CXCL13: variants seen among roughly 807,000 people sequenced by gnomAD.
The protein encoded by CXCL13 is C-X-C motif chemokine ligand 13, also known as C-X-C motif chemokine 13.
Under a neutral mutation model 12.2 loss-of-function variants are expected in CXCL13, and 7 were observed. The observed-to-expected ratio is 0.57, with a 90% CI of 0.33 to 1.07. CXCL13 has a LOEUF of 1.07. Among genes scored for constraint, CXCL13 ranks in the 50% least tolerant of loss-of-function variants. The pLI is 0.04. For synonymous variants in CXCL13, 47 were observed against 42.4 expected, an observed-to-expected ratio of 1.11 and a Z score of -0.42; for missense variants, 113 against 127.4, an observed-to-expected ratio of 0.89 and a Z score of 0.55.
intron 1 of CXCL13, among the ~76,000 whole-genome samples, chr4:77,524,555 C>T (rs944838873): frequency 2.6e-5 from 4 of 152,202 alleles, no homozygotes; most frequent in African/African-American, 9.6e-5. Context: ...TCTTGTCTGC[C>T]GGTGGCTAAG....
chr4:77,605,878 T>A lies in CXCL13; in HGVS notation c.13T>A (p.Ser5Thr), dbSNP rs1400564342. 5.6e-6 allele frequency: 9 copies of A among 1,606,740 alleles called. No homozygotes were observed. The Middle Eastern group carries it at 1.5e-3, about 266-fold the overall frequency. Reference sequence around the variant, plus strand: ...ACCTCCAGACAGAATGAAGTTCATCTCGACATCTCTGCTTCTCATGCTGCT... The same window carrying A: ...ACCTCCAGACAGAATGAAGTTCATCACGACATCTCTGCTTCTCATGCTGCT... MKFI[S>T]TSLLLMLLVS... Residue 5 changes from serine to threonine, a missense_variant, in exon 1 of 4, where the codon TCG becomes ACG. Transcript: ENST00000682537.
At chr4:77,526,145 G>T (rs1724758414) in intron 1 of CXCL13, among the ~76,000 whole-genome samples, 1 of 151,936 alleles carries the variant, frequency 6.6e-6, no homozygotes, top group African/African-American at 2.4e-5. Flanking sequence ...AACAAAGTTG[G>T]TATATCTTTG....
chr4:77,562,815 G>A (rs978101739), intron 1 of CXCL13, among the ~76,000 whole-genome samples: 5 of 152,130 alleles, frequency 3.3e-5, no homozygotes, highest in African/African-American at 4.8e-5. Context: ...GATTGTAAAC[G>A]CATCAATCAG....
chr4:77,576,928 A>G (rs999876328), intron 1 of CXCL13, among the ~76,000 whole-genome samples: 1 of 152,224 alleles, frequency 6.6e-6, no homozygotes, highest in Non-Finnish European at 1.5e-5. Context: ...TACATTTGTC[A>G]TTAAATTCCA....
chr4:77,588,205 C>A (rs370733677), intron 1 of CXCL13, among the ~76,000 whole-genome samples: 35 of 152,344 alleles, frequency 2.3e-4, no homozygotes, highest in Middle Eastern at 3.4e-3. Context: ...GCCATCCCCC[C>A]GTTCTCACCA....
Position 77,611,153 on chromosome 4 carries a change from C to G in CXCL13, c.*114C>G, listed in dbSNP as rs1173752486. On this transcript the variant is annotated 3_prime_UTR_variant, in exon 4 of 4. Transcript: ENST00000682537. ...AAAAGAACTTCCCCATACAAATAAG[C>G]ATGAGACTATGTAAAAATAACCTTG... 2.3e-6 allele frequency: 2 copies of G among 867,570 alleles called. No individual in the cohort carries two copies. Among genetic ancestry groups the G allele is most frequent in the Non-Finnish European group, 3.6e-6 (2 of 554,004 alleles). 53.7% of individuals were successfully genotyped at this position (867,570 alleles called of 1,614,324 possible). A position where few individuals can be genotyped will look rare whatever the true frequency, so the allele number is the denominator to read the frequency against.
In CXCL13 at chr4:77,528,622, C is replaced by G. The variant is rs188092102; in HGVS notation, c.-43+16834C>G. On this transcript the variant is annotated intron_variant, in intron 1 of 4. Coordinates refer to the CXCL13 transcript ENST00000286758. ...CATCCTTCGCCCACTTTTTGATGGGCCTGTTTGTTTTTTTCTTGTAAATTT... is the reference window on the plus strand; with the variant it reads ...CATCCTTCGCCCACTTTTTGATGGGGCTGTTTGTTTTTTTCTTGTAAATTT... 2.4e-3 allele frequency among the ~76,000 whole-genome samples: 360 copies of G among 151,940 alleles called. 2 individuals are homozygous for G. Among genetic ancestry groups the G allele is most frequent in the African/African-American group, 8.2e-3 (339 of 41,476 alleles).
upstream of CXCL13, among the ~76,000 whole-genome samples, chr4:77,604,691 G>A (rs1257215704): frequency 3.3e-5 from 5 of 152,242 alleles, no homozygotes; most frequent in East Asian, 7.7e-4. Flanking sequence ...CTGGAGAACT[G>A]CTTTTGTGTG....
chr4:77,515,021 A>G (rs1198842647), intron 1 of CXCL13, among the ~76,000 whole-genome samples: 1 of 152,134 alleles, frequency 6.6e-6, no homozygotes, highest in Non-Finnish European at 1.5e-5. Flanking sequence ...AGCTTTCTAC[A>G]TATGGCTAGC....
At chr4:77,542,245 G>A (rs1490152566) in intron 1 of CXCL13, among the ~76,000 whole-genome samples, 2 of 152,118 alleles carry the variant, frequency 1.3e-5, no homozygotes, top group Non-Finnish European at 2.9e-5. Flanking sequence ...TTGGAACTAT[G>A]TTGAATAGGT....
chr4:77,573,252 A>T (rs956407340), intron 1 of CXCL13, among the ~76,000 whole-genome samples: 1 of 151,854 alleles, frequency 6.6e-6, no homozygotes, highest in African/African-American at 2.4e-5. Context: ...GTTAAATTTA[A>T]AAAAAAGAAA....
intron 1 of CXCL13, among the ~76,000 whole-genome samples, chr4:77,519,777 C>G (rs199510654): frequency 7.2e-5 from 11 of 152,230 alleles, no homozygotes; most frequent in South Asian, 2.1e-4. Flanking sequence ...TTTTAGACAT[C>G]AAGTCCTTGC....
At chr4:77,568,709 T>A (rs942673205) in intron 1 of CXCL13, among the ~76,000 whole-genome samples, 11 of 152,070 alleles carry the variant, frequency 7.2e-5, no homozygotes, top group Admixed American at 7.2e-4. Context: ...GGCTGATACT[T>A]GGGTATTTTG....
chr4:77,542,443 T>G (rs1388184573), intron 1 of CXCL13, among the ~76,000 whole-genome samples: 3 of 152,074 alleles, frequency 2.0e-5, no homozygotes, highest in Admixed American at 2.0e-4. Context: ...AATTGAGAGT[T>G]TTTTCTGTGT....
intron 1 of CXCL13, among the ~76,000 whole-genome samples, chr4:77,599,382 T>C (rs1240758151): frequency 6.6e-6 from 1 of 152,204 alleles, no homozygotes; most frequent in Non-Finnish European, 1.5e-5. Context: ...GTAAACACTA[T>C]GTAAATAGTT....
intron 3 of CXCL13, 110 bp from the exon 4 acceptor site, chr4:77,610,878 A>G: frequency 9.7e-7 from 1 of 1,027,022 alleles, no homozygotes; most frequent in African/African-American, 1.6e-5. Context: ...CAGTAAACCA[A>G]ACTAGATGCC....
At chr4:77,523,461 G>T (rs568004888) in intron 1 of CXCL13, among the ~76,000 whole-genome samples, 1 of 151,838 alleles carries the variant, frequency 6.6e-6, no homozygotes, top group East Asian at 1.9e-4. Context: ...TCATTAATTT[G>T]ATCTTCAGTG....
chr4:77,542,688 C>A (rs1257451951), intron 1 of CXCL13, among the ~76,000 whole-genome samples: 1 of 152,128 alleles, frequency 6.6e-6, no homozygotes, highest in Non-Finnish European at 1.5e-5. Context: ...ATGTGTGGCA[C>A]AAATCTTGCA....
rs1180314546 is a variant in CXCL13 at position 77,605,839 on chromosome 4, C to G, written c.-27C>G. Reference sequence around the variant, plus strand: ...AAACCCACAGCCTGGACTCAGAGCTCAAGTCTGAACTCTACCTCCAGACAG... The same window carrying G: ...AAACCCACAGCCTGGACTCAGAGCTGAAGTCTGAACTCTACCTCCAGACAG... On this transcript the variant is annotated 5_prime_UTR_variant, in exon 1 of 4. Coordinates refer to ENST00000682537, the MANE Select transcript of CXCL13 (RefSeq NM_001371558.1). 6.4e-7 allele frequency: 1 copy of G among 1,556,254 alleles called. No individual in the cohort carries two copies. The highest frequency in any genetic ancestry group is 1.2e-5 in the South Asian group (1 of 83,906).
Sources: gnomAD v4.1 joint callset for allele counts (sites outside exome capture counted in the v4.1 genomes callset) on GRCh38, gnomAD v4.1.1 for gene constraint, MANE v1.5 for transcripts, NCBI Gene and HGNC (gene_info 2026-07-23, HGNC 2026-07-21) for gene names.